SEPTIN9: variants seen among roughly 807,000 people sequenced by gnomAD.
SEPTIN9 encodes septin-9.
Under a neutral mutation model 56.6 loss-of-function variants are expected in SEPTIN9, and 13 were observed. The ratio of observed to expected loss-of-function variants is 0.23; its 90% CI spans 0.15 to 0.37. The LOEUF (loss-of-function observed/expected upper bound fraction) is 0.37. Ranked by LOEUF, SEPTIN9 falls within the 10% of genes least tolerant of loss-of-function variation. SEPTIN9 has a pLI of 1.00. For missense variants in SEPTIN9, 650 were observed against 823.1 expected (o/e 0.79, Z 2.57); for synonymous variants, 332 against 334.1 (o/e 0.99, Z 0.07).
chr17:77,351,195 G>C (rs1401887473), intron 2 of SEPTIN9, among the ~76,000 whole-genome samples: 2 of 151,828 alleles, frequency 1.3e-5, no homozygotes, highest in Non-Finnish European at 2.9e-5. Flanking sequence ...TGCACATGGA[G>C]GGACTTGCGC....
At chr17:77,398,184 A>G (rs1223878725) in intron 2 of SEPTIN9, among the ~76,000 whole-genome samples, 4 of 151,400 alleles carry the variant, frequency 2.6e-5, no homozygotes, top group African/African-American at 9.7e-5. Flanking sequence ...CATGTTGCCC[A>G]GGTTTGTCTT....
At chr17:77,418,934 C>G (rs908429302) in intron 3 of SEPTIN9, among the ~76,000 whole-genome samples, 5 of 152,190 alleles carry the variant, frequency 3.3e-5, no homozygotes, top group African/African-American at 1.2e-4. Context: ...GTCCCCTCTC[C>G]CCTGTCTCCC....
intron 2 of SEPTIN9, among the ~76,000 whole-genome samples, chr17:77,368,318 T>TG (rs1456258094): frequency 1.3e-5 from 2 of 151,514 alleles, no homozygotes; most frequent in Non-Finnish European, 2.9e-5. Flanking sequence ...TGTTTTTGTT[T>TG]TTTTTTTTTT....
intron 2 of SEPTIN9, among the ~76,000 whole-genome samples, chr17:77,364,246 C>T (rs1365393446): frequency 6.6e-6 from 1 of 152,250 alleles, no homozygotes; most frequent in East Asian, 1.9e-4. Context: ...AGGCGGCAGG[C>T]CAAGAGCGCG....
chr17:77,418,221 G>A (rs965588821), intron 3 of SEPTIN9, among the ~76,000 whole-genome samples: 4 of 152,148 alleles, frequency 2.6e-5, no homozygotes, highest in African/African-American at 7.2e-5. Flanking sequence ...GTCCCGCTCC[G>A]GTTCAGCCTC....
At chr17:77,352,582 G>A (rs2034101436) in intron 2 of SEPTIN9, among the ~76,000 whole-genome samples, 1 of 152,122 alleles carries the variant, frequency 6.6e-6, no homozygotes, top group Non-Finnish European at 1.5e-5. Flanking sequence ...GGTATTCCTC[G>A]GCTTGCAGCT....
chr17:77,374,774 G>GA (rs1363292604), intron 2 of SEPTIN9: 1 of 152,404 alleles, frequency 6.6e-6, no homozygotes, highest in Non-Finnish European at 1.5e-5. Flanking sequence ...CCTCCTGGGG[G>GA]ACCAGAACTT....
rs1299293810 is a variant in SEPTIN9 at position 77,499,215 on chromosome 17, C to T, written c.*557C>T. 1 of 568,380 alleles carries T rather than the reference C, an allele frequency of 1.8e-6. No homozygotes were observed. Among genetic ancestry groups the T allele is most frequent in the Non-Finnish European group, 3.4e-6 (1 of 294,746 alleles). 35.2% of individuals were successfully genotyped at this position (568,380 alleles called of 1,614,324 possible). ...CCCTGCTCCTAAGGGTAGAAAACTC[C>T]AGGGTCCCCTGCCACCGACTGCCCA... On this transcript the variant is annotated 3_prime_UTR_variant, in exon 12 of 12. Coordinates refer to ENST00000427177, the MANE Select transcript of SEPTIN9 (RefSeq NM_001113491.2).
chr17:77,423,539 C>T (rs2036780243), intron 3 of SEPTIN9, among the ~76,000 whole-genome samples: 1 of 152,226 alleles, frequency 6.6e-6, no homozygotes, highest in Non-Finnish European at 1.5e-5. Context: ...AATGTGGGGG[C>T]CCCTGTTGGG....
chr17:77,433,325 C>T lies in SEPTIN9; in HGVS notation c.721+30622C>T, dbSNP rs1041536609. 3.3e-5 allele frequency among the ~76,000 whole-genome samples: 5 copies of T among 152,152 alleles called. No homozygotes were observed. In the South Asian group the frequency reaches 8.3e-4, roughly 25 times the overall value. The stretch of plus-strand genomic sequence containing the variant: ...CCTTCACTGGCCATTGCCTGAGACC[C>T]GACCTGGTGGCTCCTGCCCCAAGGA... On this transcript the variant is annotated intron_variant, in intron 3 of 11. Coordinates refer to ENST00000427177, the MANE Select transcript of SEPTIN9 (RefSeq NM_001113491.2). This position sits in a 1 kb window ranked among gnomAD's most constrained non-coding sequence, Gnocchi z 6.4.
In SEPTIN9 at chr17:77,393,548, C is replaced by T. The variant is rs148961768; in HGVS notation, c.77-8511C>T. On this transcript the variant is annotated intron_variant, in intron 2 of 11. Transcript: ENST00000427177. Reference sequence around the variant, plus strand: ...TTACACCAGCAACAGTCACCCCTGCCGCGTGCCATGCCTGCACCCAGGGAA... The same window carrying T: ...TTACACCAGCAACAGTCACCCCTGCTGCGTGCCATGCCTGCACCCAGGGAA... Among the ~76,000 whole-genome samples, 560 of 152,176 alleles carry T rather than the reference C, an allele frequency of 3.7e-3. 3 individuals are homozygous for T. The highest frequency in any genetic ancestry group is 0.012 in the African/African-American group (506 of 41,506).
At chr17:77,430,669 G>A (rs1267388095) in intron 3 of SEPTIN9, among the ~76,000 whole-genome samples, 1 of 152,184 alleles carries the variant, frequency 6.6e-6, no homozygotes, top group Non-Finnish European at 1.5e-5. Flanking sequence ...TGCTTGGCCA[G>A]GTGATGCCAA....
rs1313303540 is a variant in SEPTIN9, at chr17:77,487,324, C to T, written c.914-100C>T. On this transcript the variant is annotated intron_variant, in intron 4 of 11. Coordinates refer to ENST00000427177, the MANE Select transcript of SEPTIN9 (RefSeq NM_001113491.2). This position sits in a 1 kb window ranked among gnomAD's most constrained non-coding sequence, Gnocchi z 4.3. ...AGGTAGCCCAGGCACTGCTGAATCT[C>T]AGACTGGAGAGCCTCGTGCCTGGGT... 1.5e-6 allele frequency: 2 copies of T among 1,342,670 alleles called. No individual in the cohort carries two copies. The highest frequency in any genetic ancestry group is 5.0e-5 in the East Asian group (2 of 39,702). 83.2% of individuals were successfully genotyped at this position (1,342,670 alleles called of 1,614,324 possible).
rs1041481815 is a variant in SEPTIN9 at position 77,476,967 on chromosome 17, G to T, written c.722-5177G>T. Among the ~76,000 whole-genome samples, 18 of 152,154 alleles carry T rather than the reference G, an allele frequency of 1.2e-4. No homozygotes were observed. Among genetic ancestry groups the T allele is most frequent in the African/African-American group, 4.3e-4 (18 of 41,412 alleles). On this transcript the variant is annotated intron_variant, in intron 3 of 11. Coordinates refer to ENST00000427177, the MANE Select transcript of SEPTIN9 (RefSeq NM_001113491.2). The surrounding 1 kb of genome is among the most constrained non-coding windows in gnomAD (Gnocchi z 6.0). ...ATTCTGGGATACATGTGCAGAACGTGCAGGTTTGTTACATAGGAATACAAG... is the reference window on the plus strand; with the variant it reads ...ATTCTGGGATACATGTGCAGAACGTTCAGGTTTGTTACATAGGAATACAAG...
intron 3 of SEPTIN9, among the ~76,000 whole-genome samples, chr17:77,427,898 C>T (rs1049085362): frequency 5.3e-5 from 8 of 152,200 alleles, no homozygotes; most frequent in African/African-American, 1.9e-4. Flanking sequence ...CCCGCTTGCT[C>T]ATCATGTGCA....
intron 3 of SEPTIN9, among the ~76,000 whole-genome samples, chr17:77,455,976 G>A (rs1378340178): frequency 6.6e-6 from 1 of 152,234 alleles, no homozygotes; most frequent in Non-Finnish European, 1.5e-5. Flanking sequence ...CTCCCCCGGG[G>A]CAGGGGACTG....
intron 2 of SEPTIN9, among the ~76,000 whole-genome samples, chr17:77,340,184 A>G (rs887433153): frequency 1.3e-5 from 2 of 151,356 alleles, no homozygotes; most frequent in Non-Finnish European, 2.9e-5. Flanking sequence ...TCTGTTGCCC[A>G]GGCTGGAGTA....
intron 4 of SEPTIN9, chr17:77,484,031 C>G (rs2039564526): frequency 6.6e-6 from 1 of 152,304 alleles, no homozygotes; most frequent in Admixed American, 6.5e-5. Context: ...GCTTGTGTGT[C>G]TTCCCCTGGG....
rs181638468 is a variant in SEPTIN9, at chr17:77,437,260, A to G, written c.721+34557A>G. ...TTGGAAAGCAAGAAGCCTGGAGAGA[A>G]GTGAGGCCTCTGTGGTTTGGCCTGA... On this transcript the variant is annotated intron_variant, in intron 3 of 11. Coordinates refer to ENST00000427177, the MANE Select transcript of SEPTIN9 (RefSeq NM_001113491.2). The surrounding 1 kb of genome is among the most constrained non-coding windows in gnomAD (Gnocchi z 5.3). Among the ~76,000 whole-genome samples the G allele has an allele frequency of 2.6e-5, 4 of 152,296 alleles. No homozygotes were observed. Among genetic ancestry groups the G allele is most frequent in the Admixed American group, 2.6e-4 (4 of 15,302 alleles).
Sources: allele counts gnomAD v4.1 joint callset (sites outside exome capture counted in the v4.1 genomes callset), GRCh38; gene constraint gnomAD v4.1.1; non-coding constraint Gnocchi (gnomAD v3.1); transcripts MANE v1.5; gene names NCBI Gene and HGNC (gene_info 2026-07-23, HGNC 2026-07-21).